TTYH3: variants seen among roughly 807,000 people sequenced by gnomAD.
The protein encoded by TTYH3 is protein tweety homolog 3.
TTYH3 carries 23 observed loss-of-function variants against 68.2 expected under a neutral mutation model. The ratio of observed to expected loss-of-function variants is 0.34; its 90% CI spans 0.24 to 0.48. The LOEUF (loss-of-function observed/expected upper bound fraction) is 0.48, where lower values mean the gene tolerates loss of function less well. Among genes scored for constraint, TTYH3 ranks in the 20% least tolerant of loss-of-function variants. The pLI is 0.99. For missense variants in TTYH3, 768 were observed against 727.7 expected (o/e 1.06, Z -0.64); for synonymous variants, 360 against 332.8 (o/e 1.08, Z -0.89).
At chr7:2,661,347 C>G (rs1786489997) in intron 13 of TTYH3, among the ~76,000 whole-genome samples, 1 of 152,170 alleles carries the variant, frequency 6.6e-6, no homozygotes, top group African/African-American at 2.4e-5. Flanking sequence ...AGAACTCTGC[C>G]TGGCCCAATG....
intron 7 of TTYH3, among the ~76,000 whole-genome samples, chr7:2,650,527 G>A (rs1010604699): frequency 4.0e-5 from 6 of 151,888 alleles, no homozygotes; most frequent in African/African-American, 9.7e-5. Context: ...GCAATGAGCC[G>A]AGATCGCACC....
chr7:2,656,641 G>A (rs1208607388), intron 11 of TTYH3, 107 bp downstream of exon 11: 7 of 1,373,660 alleles, frequency 5.1e-6, no homozygotes, highest in Non-Finnish European at 6.8e-6. Context: ...CCAGAGGTGA[G>A]GGACAGACAC....
At chr7:2,656,024 G>A in intron 9 of TTYH3, 68 bp from the exon 10 acceptor site, 2 of 1,286,902 alleles carry the variant, frequency 1.6e-6, no homozygotes, top group Non-Finnish European at 2.2e-6. Flanking sequence ...CTTCCCAGAT[G>A]GGGCGAGGCT....
rs115941799 is a variant in TTYH3 at position 2,658,232 on chromosome 7, G to A, written c.1251-54G>A. ...CCAGAACTGACCCCCATGGGTCTGT[G>A]GCCAGCTCCTTCCTGCTGGGGCCTG... On this transcript the variant is annotated intron_variant, in intron 11 of 13. Coordinates refer to ENST00000258796, the MANE Select transcript of TTYH3 (RefSeq NM_025250.3). 818 of 1,464,980 alleles carry A rather than the reference G, an allele frequency of 5.6e-4. 5 individuals are homozygous for A. In the African/African-American group the frequency reaches 0.011, roughly 19 times the overall value. The allele number at this position is 1,464,980 out of a possible 1,614,324, so 90.7% of individuals were successfully genotyped here.
chr7:2,652,121 C>G, intron 7 of TTYH3, 66 bp from the exon 8 acceptor site: 1 of 1,391,868 alleles, frequency 7.2e-7, no homozygotes, highest in Non-Finnish European at 1.0e-6. Context: ...CAGACACAGG[C>G]AGACGTGCAC....
At chr7:2,641,244 GCT>G (rs1217181921) in intron 1 of TTYH3, among the ~76,000 whole-genome samples, 1 of 152,214 alleles carries the variant, frequency 6.6e-6, no homozygotes, top group Non-Finnish European at 1.5e-5. Flanking sequence ...TCAGGCCCCG[GCT>G]CTCTGGCTGG....
chr7:2,634,379 G>C (rs921125275), intron 1 of TTYH3, among the ~76,000 whole-genome samples: 1 of 152,198 alleles, frequency 6.6e-6, no homozygotes, highest in African/African-American at 2.4e-5. Flanking sequence ...AATGGGCAGT[G>C]GGTGGGCCTG....
chr7:2,661,040 A>G (rs1275863468), intron 13 of TTYH3, among the ~76,000 whole-genome samples: 4 of 148,814 alleles, frequency 2.7e-5, no homozygotes, highest in African/African-American at 1.0e-4. Context: ...CCTAAGTCCA[A>G]GACCCCCAGG....
At chr7:2,655,647 G>A (rs1786312642) in intron 9 of TTYH3, among the ~76,000 whole-genome samples, 1 of 152,244 alleles carries the variant, frequency 6.6e-6, no homozygotes, top group Non-Finnish European at 1.5e-5. Flanking sequence ...GTGAGCACAC[G>A]GACACATTAC....
In TTYH3 at chr7:2,632,112, G is replaced by T; in HGVS notation, c.-44G>T. On this transcript the variant is annotated 5_prime_UTR_variant, in exon 1 of 14. Coordinates refer to ENST00000258796, the MANE Select transcript of TTYH3 (RefSeq NM_025250.3). The stretch of plus-strand genomic sequence containing the variant: ...GCCCGCGCCCCGGGCCAGCAAGGGA[G>T]CCCCGCGCAGGCCGCGCGCATCCGG... 10 of 1,308,922 alleles carry T rather than the reference G, an allele frequency of 7.6e-6. No homozygotes were observed. The highest frequency in any genetic ancestry group is 8.8e-6 in the Non-Finnish European group (9 of 1,024,282). 81.1% of individuals were successfully genotyped at this position (1,308,922 alleles called of 1,614,324 possible). A position where few individuals can be genotyped will look rare whatever the true frequency, so the allele number is the denominator to read the frequency against.
intron 1 of TTYH3, among the ~76,000 whole-genome samples, chr7:2,638,130 G>C (rs1562707031): frequency 6.6e-6 from 1 of 152,116 alleles, no homozygotes; most frequent in Non-Finnish European, 1.5e-5. Flanking sequence ...CCTCTGGGCT[G>C]CCTCTCCCTG....
chr7:2,647,274 G>A (rs1395370870), intron 3 of TTYH3, 21 bp downstream of exon 3: 4 of 1,560,430 alleles, frequency 2.6e-6, no homozygotes, highest in Non-Finnish European at 3.5e-6. Flanking sequence ...GCGGAGTTGG[G>A]GCCAGGAGCA....
At chr7:2,639,495 AG>A (rs1397112208) in intron 1 of TTYH3, among the ~76,000 whole-genome samples, 1 of 152,188 alleles carries the variant, frequency 6.6e-6, no homozygotes, top group African/African-American at 2.4e-5. Flanking sequence ...CTGTGGGCAC[AG>A]GGGAGCCCCC....
At position 2,640,092 on chromosome 7, in the gene TTYH3, C is replaced by T. The variant is rs369075032; in HGVS notation, c.124-6761C>T. On this transcript the variant is annotated intron_variant, in intron 1 of 13. Coordinates refer to ENST00000258796, the MANE Select transcript of TTYH3 (RefSeq NM_025250.3). ...CTCCAGGACACGGGCCCTATGTCTT[C>T]GCTTCCCTCCCTGCTCAGGGCAGAC... 1.5e-3 allele frequency among the ~76,000 whole-genome samples: 225 copies of T among 152,340 alleles called. 2 individuals are homozygous for T. Among genetic ancestry groups the T allele is most frequent in the African/African-American group, 4.9e-3 (203 of 41,592 alleles).
chr7:2,643,226 G>A (rs1785898577), intron 1 of TTYH3, among the ~76,000 whole-genome samples: 1 of 151,486 alleles, frequency 6.6e-6, no homozygotes, highest in Non-Finnish European at 1.5e-5. Flanking sequence ...TTGGTGGCGG[G>A]TGCCTGTAGT....
At chr7:2,654,928 C>T (rs1393612541) in intron 9 of TTYH3, among the ~76,000 whole-genome samples, 2 of 152,068 alleles carry the variant, frequency 1.3e-5, no homozygotes, top group African/African-American at 2.4e-5. Flanking sequence ...GCGCCTGCAG[C>T]GCACCCAGCT....
intron 9 of TTYH3, 140 bp downstream of exon 9, chr7:2,653,150 T>C (rs1336784330): frequency 1.4e-6 from 1 of 702,538 alleles, no homozygotes; most frequent in Non-Finnish European, 2.4e-6. Flanking sequence ...GTGTTGGAGG[T>C]GGCATGGGAG....
intron 1 of TTYH3, among the ~76,000 whole-genome samples, chr7:2,646,212 G>A (rs1458051179): frequency 1.3e-5 from 2 of 152,154 alleles, no homozygotes; most frequent in East Asian, 1.9e-4. Context: ...ATGGGGTTTC[G>A]CCACGTTGGC....
Position 2,632,099 on chromosome 7 carries a change from G to C in TTYH3, c.-57G>C. 8.0e-7 allele frequency: 1 copy of C among 1,250,030 alleles called. No individual in the cohort carries two copies. The highest frequency in any genetic ancestry group is 3.1e-5 in the South Asian group (1 of 32,676). The allele number at this position is 1,250,030 out of a possible 1,614,324, so 77.4% of individuals were successfully genotyped here. ...ACGGGTCCCTGAAGCCCGCGCCCCG[G>C]GCCAGCAAGGGAGCCCCGCGCAGGC... is the stretch of plus-strand genomic sequence containing the variant. On this transcript the variant is annotated 5_prime_UTR_variant, in exon 1 of 14. Coordinates refer to ENST00000258796, the MANE Select transcript of TTYH3 (RefSeq NM_025250.3).
Sources: allele counts gnomAD v4.1 joint callset (sites outside exome capture counted in the v4.1 genomes callset), GRCh38; gene constraint gnomAD v4.1.1; transcripts MANE v1.5; gene names NCBI Gene and HGNC (gene_info 2026-07-23, HGNC 2026-07-21).